Variants in TUBG2 observed in about 807,000 individuals in gnomAD.
The protein encoded by TUBG2 is tubulin gamma 2, also known as tubulin gamma-2 chain.
In TUBG2, 39 loss-of-function variants were observed where a neutral mutation model predicts 55.1. That is an observed-to-expected ratio of 0.71 (90% CI 0.55 to 0.93). The LOEUF (loss-of-function observed/expected upper bound fraction) is 0.93. TUBG2 is among the 40% of genes least tolerant of loss of function. The probability of loss-of-function intolerance (pLI) is 0.00; values close to 1 mark genes in which losing one functional copy is unlikely to be tolerated. For missense variants in TUBG2, 358 were observed against 599.1 expected (o/e 0.60, Z 4.20); for synonymous variants, 223 against 241.0 (o/e 0.93, Z 0.69).
Position 42,666,731 on chromosome 17 carries a change from G to A in TUBG2, c.1287G>A (p.Gln429=). Residue 429 remains glutamine, a synonymous_variant, in exon 11 of 11, where the codon CAG becomes CAA. Coordinates refer to ENST00000251412, the MANE Select transcript of TUBG2 (RefSeq NM_016437.3). ...TGGACAGGTCTAGGGAGGTTGTTCA[G>A]GAGCTCATTGATGAGTACCATGCGG... The part of the protein sequence containing the change: ...DEMDRSREVV[Q]ELIDEYHAAT... 6.2e-7 allele frequency: 1 copy of A among 1,614,144 alleles called. No homozygotes were observed. Among genetic ancestry groups the A allele is most frequent in the South Asian group, 1.1e-5 (1 of 91,086 alleles).
rs1489806634 is a variant in TUBG2, at chr17:42,665,929, C to T, written c.843+102C>T. On this transcript the variant is annotated intron_variant, in intron 8 of 10. Coordinates refer to ENST00000251412, the MANE Select transcript of TUBG2 (RefSeq NM_016437.3). The stretch of plus-strand genomic sequence containing the variant: ...CCACTGCCCCAGGAGCTGCCCTTTG[C>T]AGGCCCCAAGGCACTGCGCTCAGGG... The T allele has an allele frequency of 7.5e-6, 12 of 1,590,688 alleles. No homozygotes were observed. In the East Asian group the frequency reaches 2.7e-4, roughly 36 times the overall value.
Position 42,666,876 on chromosome 17 carries a change from T to A in TUBG2, c.*76T>A. ...CCATGCCTGCTCCCTCTGACCCAGC[T>A]TCACCTCATGGACAACCCTTCTTGG... On this transcript the variant is annotated 3_prime_UTR_variant, in exon 11 of 11. Transcript: ENST00000251412. 1 of 1,522,624 alleles carries A rather than the reference T, an allele frequency of 6.6e-7. No homozygotes were observed. Among genetic ancestry groups the A allele is most frequent in the Non-Finnish European group, 9.0e-7 (1 of 1,108,322 alleles). The allele number at this position is 1,522,624 out of a possible 1,614,324, so 94.3% of individuals were successfully genotyped here. A position where few individuals can be genotyped will look rare whatever the true frequency, so the allele number is the denominator to read the frequency against.
At chr17:42,666,015 C>T in intron 8 of TUBG2, 72 bp from the exon 9 acceptor site, 1 of 1,607,294 alleles carries the variant, frequency 6.2e-7, no homozygotes, top group Non-Finnish European at 8.5e-7. Context: ...CTGCCTTTGG[C>T]TTCTGCCAAA....
intron 4 of TUBG2, chr17:42,661,047 T>A (rs777745299): frequency 1.1e-5 from 3 of 265,396 alleles, no homozygotes; most frequent in Non-Finnish European, 1.5e-5. Flanking sequence ...CTCCCCCAGA[T>A]CCTTGGAGAC....
chr17:42,663,769 C>T (rs1038696508), intron 6 of TUBG2, among the ~76,000 whole-genome samples: 2 of 152,012 alleles, frequency 1.3e-5, no homozygotes, highest in Non-Finnish European at 2.9e-5. Flanking sequence ...CATGAAGAAA[C>T]CCCATCTCTA....
rs769499167 is a variant in TUBG2, at chr17:42,665,519, G to A, written c.650G>A (p.Arg217His). The change falls in exon 7 of 11, where the codon CGC becomes CAC. Residue 217 changes from arginine to histidine, a missense_variant. Coordinates refer to ENST00000251412, the MANE Select transcript of TUBG2 (RefSeq NM_016437.3). ...NTALNRIATD[R>H]LHIQNPSFSQ... is the part of the protein sequence containing the mutation. Reference sequence around the variant, plus strand: ...GCCCTGAACCGGATTGCCACAGACCGCCTGCACATCCAGAACCCGTCCTTC... The same window carrying A: ...GCCCTGAACCGGATTGCCACAGACCACCTGCACATCCAGAACCCGTCCTTC... The A allele has an allele frequency of 2.5e-6, 4 of 1,614,052 alleles. No individual in the cohort carries two copies. Among genetic ancestry groups the A allele is most frequent in the Middle Eastern group, 1.6e-4 (1 of 6,062 alleles).
Position 42,666,722 on chromosome 17 carries a change from G to A in TUBG2, c.1278G>A (p.Glu426=), listed in dbSNP as rs779802432. 2 of 1,614,044 alleles carry A rather than the reference G, an allele frequency of 1.2e-6. No homozygotes were observed. Among genetic ancestry groups the A allele is most frequent in the Admixed American group, 3.3e-5 (2 of 59,998 alleles). ...DNFDEMDRSR[E]VVQELIDEYH... ...TTGATGAGATGGACAGGTCTAGGGA[G>A]GTTGTTCAGGAGCTCATTGATGAGT... Residue 426 remains glutamate (E), a synonymous_variant, in exon 11 of 11, where the codon GAG becomes GAA. Transcript: ENST00000251412.
intron 8 of TUBG2, 80 bp downstream of exon 8, chr17:42,665,907 C>T (rs2052525059): frequency 6.2e-7 from 1 of 1,600,930 alleles, no homozygotes; most frequent in Non-Finnish European, 8.5e-7. Flanking sequence ...CTCTTCCCCA[C>T]TGCCCCAGGA....
chr17:42,662,422 A>G (rs910678008), intron 4 of TUBG2, among the ~76,000 whole-genome samples: 2 of 152,150 alleles, frequency 1.3e-5, no homozygotes, highest in African/African-American at 4.8e-5. Flanking sequence ...CCTGGCCAAC[A>G]TGGTGAAACC....
rs1339266552 is a variant in TUBG2, at chr17:42,659,372, G to T, written c.-132G>T. 8 of 959,010 alleles carry T rather than the reference G, an allele frequency of 8.3e-6. No individual in the cohort carries two copies. Among genetic ancestry groups the T allele is most frequent in the Non-Finnish European group, 1.2e-5 (8 of 665,904 alleles). The allele number at this position is 959,010 out of a possible 1,614,324, so 59.4% of individuals were successfully genotyped here. On this transcript the variant is annotated 5_prime_UTR_variant, in exon 1 of 11. Coordinates refer to ENST00000251412, the MANE Select transcript of TUBG2 (RefSeq NM_016437.3). ...GAGGAGAGGCCTGCGCTGCACACGC[G>T]CAGACCGAGCATCCGCGTCAAGAGG...
chr17:42,662,851 T>C lies in TUBG2; in HGVS notation c.400-122T>C, dbSNP rs2052419558. The C allele has an allele frequency of 3.6e-6, 3 of 833,824 alleles. No individual in the cohort carries two copies. The Admixed American group carries it at 6.8e-5, about 19-fold the overall frequency. The allele number at this position is 833,824 out of a possible 1,614,324, so 51.7% of individuals were successfully genotyped here. Reference sequence around the variant, plus strand: ...TGAATTAGTGGATACCCAGCTGGCATCTACTGTAGAATTGACTGCTTACCT... The same window carrying C: ...TGAATTAGTGGATACCCAGCTGGCACCTACTGTAGAATTGACTGCTTACCT... On this transcript the variant is annotated intron_variant, in intron 4 of 10. Transcript: ENST00000251412.
In TUBG2 at chr17:42,666,304, G is replaced by A; in HGVS notation, c.997-19G>A. The A allele has an allele frequency of 6.2e-7, 1 of 1,614,130 alleles. No individual in the cohort carries two copies. The highest frequency in any genetic ancestry group is 1.7e-5 in the Admixed American group (1 of 60,018). On this transcript the variant is annotated intron_variant, in intron 9 of 10. Coordinates refer to ENST00000251412, the MANE Select transcript of TUBG2 (RefSeq NM_016437.3). ...GGGTAGAGGAGAGGCCACCTCCACT[G>A]CTCCTATGCCCACCCCAGGTCCACA...
At chr17:42,659,648 T>C in intron 1 of TUBG2, 96 bp downstream of exon 1, 1 of 1,408,286 alleles carries the variant, frequency 7.1e-7, no homozygotes, top group Non-Finnish European at 9.6e-7. Context: ...TTCCCTTCCA[T>C]GAACCCCCTG....
At chr17:42,663,727 T>G (rs1296327230) in intron 6 of TUBG2, among the ~76,000 whole-genome samples, 3 of 152,104 alleles carry the variant, frequency 2.0e-5, no homozygotes, top group Non-Finnish European at 2.9e-5. Context: ...GCGGATCACC[T>G]ATGGTTGGGA....
At chr17:42,660,967 C>T in intron 4 of TUBG2, 1 of 418,886 alleles carries the variant, frequency 2.4e-6, no homozygotes, top group South Asian at 2.9e-5. Flanking sequence ...GGAGCCTCAG[C>T]CTGGATGCAT....
At chr17:42,660,738 C>T in intron 4 of TUBG2, 31 bp downstream of exon 4, 8 of 1,605,842 alleles carry the variant, frequency 5.0e-6, no homozygotes, top group Non-Finnish European at 6.8e-6. Flanking sequence ...AAGGAATGGG[C>T]AGGGAGGCCG....
In TUBG2 at chr17:42,665,684, A is replaced by G. The variant is rs1157142160; in HGVS notation, c.700A>G (p.Thr234Ala). Residue 234 changes from threonine to alanine, a missense_variant, in exon 8 of 11, where the codon ACC becomes GCC. Transcript: ENST00000251412. The stretch of plus-strand genomic sequence containing the variant: ...ATGGCACGCCTGTCCCCAGGTGTCC[A>G]CCATCATGTCGGCCAGCACCACCAC... Reference protein sequence around the residue: ...SFSQINQLVSTIMSASTTTLR... With the variant: ...SFSQINQLVSAIMSASTTTLR... The G allele has an allele frequency of 6.2e-7, 1 of 1,613,972 alleles. No homozygotes were observed. Among genetic ancestry groups the G allele is most frequent in the Non-Finnish European group, 8.5e-7 (1 of 1,180,000 alleles).
chr17:42,659,681 G>A, intron 1 of TUBG2, 129 bp downstream of exon 1: 1 of 1,369,412 alleles, frequency 7.3e-7, no homozygotes, highest in South Asian at 1.4e-5. Context: ...GGATAACCCA[G>A]ACCGAGAGCT....
At chr17:42,663,136 C>A in intron 5 of TUBG2, 84 bp downstream of exon 5, 1 of 1,456,462 alleles carries the variant, frequency 6.9e-7, no homozygotes, top group Non-Finnish European at 9.5e-7. Context: ...AGAAAGTCTG[C>A]CACTACCCCT....
Sources: gnomAD v4.1 joint callset for allele counts (sites outside exome capture counted in the v4.1 genomes callset) on GRCh38, gnomAD v4.1.1 for gene constraint, MANE v1.5 for transcripts, NCBI Gene and HGNC (gene_info 2026-07-23, HGNC 2026-07-21) for gene names.